Variants in TELO2 observed in about 807,000 individuals in gnomAD.
The protein encoded by TELO2 is telomere length regulation protein TEL2 homolog.
In TELO2, 71 loss-of-function variants were observed where a neutral mutation model predicts 91.0. The ratio of observed to expected loss-of-function variants is 0.78; its 90% confidence interval spans 0.64 to 0.95. The LOEUF is 0.95. Ranked by LOEUF, TELO2 falls within the 40% of genes least tolerant of loss-of-function variation. The probability of loss-of-function intolerance (pLI) is 0.00; values close to 1 mark genes in which losing one functional copy is unlikely to be tolerated. For missense variants in TELO2, 1,183 were observed against 1,141.3 expected, an observed-to-expected ratio of 1.04 and a Z score of -0.53; for synonymous variants, 584 against 518.9, an observed-to-expected ratio of 1.13 and a Z score of -1.71.
At position 1,506,312 on chromosome 16, in the gene TELO2, CCTT is replaced by C; in HGVS notation, c.2111_2113del (p.Leu704del). 6.2e-7 allele frequency: 1 copy of C among 1,614,120 alleles called. No individual in the cohort carries two copies. Among genetic ancestry groups the C allele is most frequent in the Non-Finnish European group, 8.5e-7 (1 of 1,180,018 alleles). ...TGGCCGGCCACTTCTTCTTCCCCCTCCTTCAGCGCTTTGACAGGTGAGTGGGTT... is the reference window on the plus strand; with the variant it reads ...TGGCCGGCCACTTCTTCTTCCCCCTCCAGCGCTTTGACAGGTGAGTGGGTT... On this transcript the variant is annotated inframe_deletion, in exon 17 of 21. Coordinates refer to ENST00000262319, the MANE Select transcript of TELO2 (RefSeq NM_016111.4).
chr16:1,500,609 T>C lies in TELO2; in HGVS notation c.1191T>C (p.Ser397=). ...MMAGVKCRLD[S]SLPPVRRLGM... ...CGGGCGTGAAGTGCCGCCTGGACAG[T>C]AGCCTGCCCCCCGTGCGACGCCTGG... The change falls in exon 9 of 21, where the codon AGT becomes AGC. Residue 397 remains serine, a synonymous_variant. Transcript: ENST00000262319. 6.2e-7 allele frequency: 1 copy of C among 1,612,198 alleles called. No individual in the cohort carries two copies. Among genetic ancestry groups the C allele is most frequent in the Non-Finnish European group, 8.5e-7 (1 of 1,179,716 alleles).
At position 1,497,575 on chromosome 16, in the gene TELO2, C is replaced by T. The variant is rs992516438; in HGVS notation, c.830+67C>T. The T allele has an allele frequency of 1.3e-6, 2 of 1,483,876 alleles. No individual in the cohort carries two copies. The highest frequency in any genetic ancestry group is 2.8e-5 in the African/African-American group (2 of 71,492). The allele number at this position is 1,483,876 out of a possible 1,614,324, so 91.9% of individuals were successfully genotyped here. Reference sequence around the variant, plus strand: ...GTCTGGACCCCCAGAGGCTGCCATTCCTTCACGCTACTTCTCCTGGGCGCC... The same window carrying T: ...GTCTGGACCCCCAGAGGCTGCCATTTCTTCACGCTACTTCTCCTGGGCGCC... On this transcript the variant is annotated intron_variant, in intron 5 of 20. Transcript: ENST00000262319. The surrounding 1 kb of genome is among the most constrained non-coding windows in gnomAD (Gnocchi z 4.0).
At chr16:1,508,724 G>A (rs1342703310) in intron 20 of TELO2, among the ~76,000 whole-genome samples, 1 of 152,230 alleles carries the variant, frequency 6.6e-6, no homozygotes, top group African/African-American at 2.4e-5. Flanking sequence ...GGTGTGAACG[G>A]GTGTTTCCCA....
In TELO2 at chr16:1,493,451, G is replaced by T. The variant is rs1310913785; in HGVS notation, c.-191G>T. 3 of 152,268 alleles carry T rather than the reference G, an allele frequency of 2.0e-5. No homozygotes were observed. Among genetic ancestry groups the T allele is most frequent in the African/African-American group, 7.2e-5 (3 of 41,466 alleles). 9.4% of individuals were successfully genotyped at this position (152,268 alleles called of 1,614,324 possible). On this transcript the variant is annotated 5_prime_UTR_variant, in exon 1 of 21. Coordinates refer to ENST00000262319, the MANE Select transcript of TELO2 (RefSeq NM_016111.4). This position sits in a 1 kb window ranked among gnomAD's most constrained non-coding sequence, Gnocchi z 4.3. The stretch of plus-strand genomic sequence containing the variant: ...CAGAGGCTCAAGAAAACCCGCGGGA[G>T]CCTCGCCCGGACCCAGGAACTCGTG...
chr16:1,502,281 G>A (rs1596262082), intron 12 of TELO2, 32 bp from the exon 13 acceptor site: 1 of 1,577,194 alleles, frequency 6.3e-7, no homozygotes. Context: ...TCAGGGCTGA[G>A]GCTGACCGAG....
chr16:1,501,977 G>T, intron 11 of TELO2, 70 bp from the exon 12 acceptor site: 1 of 1,596,934 alleles, frequency 6.3e-7, no homozygotes. Context: ...GGAGAGAGGG[G>T]CTGGCTCTGC....
chr16:1,509,741 C>A, intron 20 of TELO2, 89 bp from the exon 21 acceptor site: 2 of 1,240,376 alleles, frequency 1.6e-6, no homozygotes, highest in South Asian at 1.3e-5. Context: ...TCAGGCCTGG[C>A]GGGGCTGGTT....
Position 1,500,343 on chromosome 16 carries a change from G to C in TELO2, c.1003-4G>C. 6.3e-7 allele frequency: 1 copy of C among 1,583,104 alleles called. No individual in the cohort carries two copies. Among genetic ancestry groups the C allele is most frequent in the Non-Finnish European group, 8.6e-7 (1 of 1,167,378 alleles). ...CACACAGTCGTGGGCCATGCCACCT[G>C]CAGGTGCTGAAGGAGCTGTTGGAGA... On this transcript the variant is annotated splice_polypyrimidine_tract_variant and splice_region_variant and intron_variant, in intron 7 of 20. Transcript: ENST00000262319.
chr16:1,499,650 C>T (rs924439332), intron 6 of TELO2, among the ~76,000 whole-genome samples: 3 of 152,054 alleles, frequency 2.0e-5, no homozygotes, highest in East Asian at 1.9e-4. Flanking sequence ...CAGAGGAGGT[C>T]GTGCATTTCC....
At position 1,504,613 on chromosome 16, in the gene TELO2, A is replaced by G. The variant is rs1294661094; in HGVS notation, c.1843-797A>G. Among the ~76,000 whole-genome samples the G allele has an allele frequency of 3.5e-5, 4 of 114,574 alleles. No individual in the cohort carries two copies. The Admixed American group carries it at 4.5e-4, about 13-fold the overall frequency. 75.2% of individuals were successfully genotyped at this position (114,574 alleles called of 152,430 possible). A position where few individuals can be genotyped will look rare whatever the true frequency, so the allele number is the denominator to read the frequency against. ...CGCTCTGTCGCCCAGGCTGGAGTGC[A>G]GTGGCGCGATCTTGACTCACTGCAA... is the stretch of plus-strand genomic sequence containing the variant. On this transcript the variant is annotated intron_variant, in intron 15 of 20. Coordinates refer to ENST00000262319, the MANE Select transcript of TELO2 (RefSeq NM_016111.4).
Position 1,505,343 on chromosome 16 carries a change from G to A in TELO2, c.1843-67G>A. The stretch of plus-strand genomic sequence containing the variant: ...CGGGCCCGTTTCTGGGGCTTTGGCT[G>A]ACTTGACTCTTGGGAAATGTTCTTC... On this transcript the variant is annotated intron_variant, in intron 15 of 20. Transcript: ENST00000262319. The surrounding 1 kb of genome is among the most constrained non-coding windows in gnomAD (Gnocchi z 4.3). The A allele has an allele frequency of 6.5e-7, 1 of 1,543,226 alleles. No homozygotes were observed. The highest frequency in any genetic ancestry group is 2.3e-5 in the East Asian group (1 of 43,958).
chr16:1,507,657 C>T lies in TELO2; in HGVS notation c.2348C>T (p.Ala783Val). The change falls in exon 20 of 21, where the codon GCT becomes GTT. Residue 783 changes from alanine to valine, a missense_variant. Physicochemically the swap from Ala to Val is moderately conservative, Grantham distance 64 (BLOSUM62 0). Coordinates refer to ENST00000262319, the MANE Select transcript of TELO2 (RefSeq NM_016111.4). ...AVSSVLLSLP[A>V]ARLLEDLMDE... is the part of the protein sequence containing the mutation. ...TCCTCCGTCCTGCTCAGCCTGCCTG[C>T]TGCGCGCCTGCTGGAGGACCTGATG... is the stretch of plus-strand genomic sequence containing the variant. The T allele has an allele frequency of 1.2e-6, 2 of 1,602,584 alleles. No individual in the cohort carries two copies. Among genetic ancestry groups the T allele is most frequent in the Non-Finnish European group, 8.5e-7 (1 of 1,179,686 alleles).
chr16:1,504,653 G>T (rs1353864260), intron 15 of TELO2, among the ~76,000 whole-genome samples: 39 of 147,912 alleles, frequency 2.6e-4, no homozygotes, highest in Non-Finnish European at 4.2e-4. Context: ...CCCCTCCCGG[G>T]TTCACGCCAT....
Position 1,495,437 on chromosome 16 carries a change from C to A in TELO2, c.427C>A (p.Gln143Lys). Reference sequence around the variant, plus strand: ...AGTGCTGATGGAGGCGCAGTGTCGGCAGCAGACGCAGCCCGGCTTCATCCT... The same window carrying A: ...AGTGCTGATGGAGGCGCAGTGTCGGAAGCAGACGCAGCCCGGCTTCATCCT... ...LAVLMEAQCR[Q>K]QTQPGFILLR... is the part of the protein sequence containing the mutation. The change falls in exon 3 of 21, where the codon CAG becomes AAG. Residue 143 changes from glutamine to lysine, a missense_variant. Coordinates refer to ENST00000262319, the MANE Select transcript of TELO2 (RefSeq NM_016111.4). 1 of 1,601,730 alleles carries A rather than the reference C, an allele frequency of 6.2e-7. No homozygotes were observed. The highest frequency in any genetic ancestry group is 8.5e-7 in the Non-Finnish European group (1 of 1,175,488).
intron 3 of TELO2, 64 bp downstream of exon 3, chr16:1,495,687 C>T (rs2039464459): frequency 1.3e-6 from 2 of 1,515,370 alleles, no homozygotes; most frequent in Non-Finnish European, 8.8e-7. Context: ...CCCCTGCCAC[C>T]CTCTGGTGCC....
At chr16:1,495,138 C>T (rs917806138) in intron 2 of TELO2, among the ~76,000 whole-genome samples, 10 of 152,214 alleles carry the variant, frequency 6.6e-5, no homozygotes, top group Non-Finnish European at 1.2e-4. Flanking sequence ...TTGGGGAAGC[C>T]GCTCAGGGCC....
intron 17 of TELO2, chr16:1,506,637 C>A: frequency 1.2e-5 from 17 of 1,379,504 alleles, no homozygotes; most frequent in Non-Finnish European, 1.5e-5. Flanking sequence ...CTGCCTCAGC[C>A]GGCGCTGCAC....
intron 20 of TELO2, among the ~76,000 whole-genome samples, chr16:1,508,209 T>C (rs998619432): frequency 6.6e-6 from 1 of 152,024 alleles, no homozygotes; most frequent in African/African-American, 2.4e-5. Context: ...CTTGGCTCAC[T>C]GCGACCTCCG....
At chr16:1,503,992 G>A (rs939072925) in intron 15 of TELO2, among the ~76,000 whole-genome samples, 3 of 152,018 alleles carry the variant, frequency 2.0e-5, no homozygotes, top group East Asian at 3.9e-4. Flanking sequence ...TTAGCTGGGA[G>A]TGGGGCGCCT....
Sources: allele counts gnomAD v4.1 joint callset (sites outside exome capture counted in the v4.1 genomes callset), GRCh38; gene constraint gnomAD v4.1.1; non-coding constraint Gnocchi (gnomAD v3.1); transcripts MANE v1.5; gene names NCBI Gene and HGNC (gene_info 2026-07-23, HGNC 2026-07-21).